The following CAST variants were observed in gnomAD, a reference collection of about 807,000 sequenced individuals.
CAST encodes MIR583 host.
CAST carries 76 observed loss-of-function variants against 119.6 expected under a neutral mutation model. That is an observed-to-expected ratio of 0.64 (90% CI 0.53 to 0.77). The LOEUF is 0.77. CAST is among the 30% of genes least tolerant of loss of function. CAST has a pLI of 0.00. For missense variants in CAST, 953 were observed against 946.5 expected, an observed-to-expected ratio of 1.01 and a Z score of -0.09; for synonymous variants, 319 against 331.6, an observed-to-expected ratio of 0.96 and a Z score of 0.41.
chr5:96,255,721 C>T, the CAST span, among the ~76,000 whole-genome samples: 1 of 152,082 alleles, frequency 6.6e-6, no homozygotes, highest in Admixed American at 6.6e-5. Context: ...AACTGCTTTA[C>T]AGAAAAGGGC....
the CAST span, among the ~76,000 whole-genome samples, chr5:96,204,241 C>T: frequency 6.6e-6 from 1 of 151,976 alleles, no homozygotes; most frequent in African/African-American, 2.4e-5. Context: ...TAGGTTTCAT[C>T]CGCTTTCCAG....
At chr5:96,310,639 A>G in the CAST span, among the ~76,000 whole-genome samples, 3 of 149,140 alleles carry the variant, frequency 2.0e-5, no homozygotes, top group Non-Finnish European at 4.5e-5. Context: ...CAGATTTCCT[A>G]TTTCTTTATG....
chr5:96,367,207 G>C, the CAST span, among the ~76,000 whole-genome samples: 1 of 152,234 alleles, frequency 6.6e-6, no homozygotes, highest in Admixed American at 6.5e-5. Context: ...AGGGGTACCC[G>C]GCCATGTGAG....
chr5:96,289,509 C>A, the CAST span, among the ~76,000 whole-genome samples: 2 of 152,094 alleles, frequency 1.3e-5, no homozygotes, highest in African/African-American at 4.8e-5. Flanking sequence ...TAAGGGGAAA[C>A]CCCTTTCACT....
chr5:96,439,858 G>A, the CAST span, among the ~76,000 whole-genome samples: 1 of 152,196 alleles, frequency 6.6e-6, no homozygotes, highest in Admixed American at 6.5e-5. Context: ...GTAGAGGAAA[G>A]AAGACCTTCA....
intron 17 of CAST, among the ~76,000 whole-genome samples, chr5:96,746,883 T>A (rs1383263760): frequency 6.6e-6 from 1 of 152,192 alleles, no homozygotes; most frequent in African/African-American, 2.4e-5. Flanking sequence ...GTCATTACAT[T>A]TGTCATTTAC....
chr5:96,048,493 A>G, the CAST span, among the ~76,000 whole-genome samples: 1,233 of 152,264 alleles, frequency 8.1e-3, 19 homozygotes, highest in African/African-American at 0.028. Flanking sequence ...AGCTGAATAG[A>G]TTTACATAAA....
At chr5:96,341,910 G>T in the CAST span, among the ~76,000 whole-genome samples, 1 of 152,122 alleles carries the variant, frequency 6.6e-6, no homozygotes, top group African/African-American at 2.4e-5. Flanking sequence ...ATATGATTTC[G>T]TGGATTTAAT....
chr5:96,502,009 T>C, the CAST span, among the ~76,000 whole-genome samples: 102 of 152,370 alleles, frequency 6.7e-4, no homozygotes, highest in Non-Finnish European at 1.1e-3. Flanking sequence ...TCCCAGAGCA[T>C]GTCTCTGTTA....
chr5:96,211,618 C>T, the CAST span, among the ~76,000 whole-genome samples: 632 of 151,882 alleles, frequency 4.2e-3, 4 homozygotes, highest in Non-Finnish European at 6.4e-3. Flanking sequence ...TGTACTATCT[C>T]CCTATGATTT....
chr5:96,247,177 A>G, the CAST span, among the ~76,000 whole-genome samples: 11 of 152,248 alleles, frequency 7.2e-5, no homozygotes, highest in African/African-American at 2.4e-4. Context: ...TGACTGGGCA[A>G]CACACATTCC....
chr5:96,760,694 CTT>C (rs1330400281), intron 24 of CAST: 5 of 151,812 alleles, frequency 3.3e-5, no homozygotes, highest in Middle Eastern at 3.8e-3. Flanking sequence ...TGAGATCAGA[CTT>C]AATGTAAACT....
the CAST span, among the ~76,000 whole-genome samples, chr5:96,095,784 A>C: frequency 1.3e-5 from 2 of 152,056 alleles, no homozygotes; most frequent in Non-Finnish European, 2.9e-5. Context: ...CTTGACAAAG[A>C]CCCACTGAAA....
the CAST span, among the ~76,000 whole-genome samples, chr5:96,329,886 G>A: frequency 6.6e-6 from 1 of 152,220 alleles, no homozygotes; most frequent in African/African-American, 2.4e-5. Flanking sequence ...GCTCTGAGCA[G>A]AGATTTGTTA....
At chr5:96,127,644 CT>C in the CAST span, among the ~76,000 whole-genome samples, 140 of 152,148 alleles carry the variant, frequency 9.2e-4, 2 homozygotes, top group South Asian at 8.3e-4. Flanking sequence ...TTTCTTCTCT[CT>C]TTTTTTGTTC....
the CAST span, among the ~76,000 whole-genome samples, chr5:96,203,320 AT>A: frequency 4.0e-5 from 6 of 148,860 alleles, no homozygotes; most frequent in South Asian, 2.1e-4. Context: ...TATTCCACAA[AT>A]TTTTTTTTTG....
the CAST span, among the ~76,000 whole-genome samples, chr5:96,468,206 T>A: frequency 6.6e-6 from 1 of 152,028 alleles, no homozygotes; most frequent in Admixed American, 6.6e-5. Context: ...CGGAGTGGTA[T>A]AATGGACACT....
At chr5:96,308,852 C>G in the CAST span, 1 of 152,564 alleles carries the variant, frequency 6.6e-6, no homozygotes, top group East Asian at 1.9e-4. Context: ...GGGGCACTCA[C>G]TAGATGCCAG....
chr5:96,068,701 A>G, the CAST span, among the ~76,000 whole-genome samples: 1 of 151,550 alleles, frequency 6.6e-6, no homozygotes, highest in African/African-American at 2.4e-5. Flanking sequence ...ACATATATGT[A>G]TATTAATTTA....
Sources: allele counts gnomAD v4.1 joint callset (sites outside exome capture counted in the v4.1 genomes callset), GRCh38; gene constraint gnomAD v4.1.1; transcripts MANE v1.5; gene names NCBI Gene and HGNC (gene_info 2026-07-23, HGNC 2026-07-21).